Variants in ZNF778 observed in about 807,000 individuals in gnomAD.
ZNF778 encodes zinc finger protein 778.
Under a neutral mutation model 23.9 loss-of-function variants are expected in ZNF778, and 37 were observed. The ratio of observed to expected loss-of-function variants is 1.54; its 90% CI spans 1.19 to 2.03. ZNF778 has a LOEUF of 2.03. ZNF778 is among the 30% of genes most tolerant of loss of function. ZNF778 has a pLI of 0.00. For missense variants in ZNF778, 1,297 were observed against 934.4 expected (o/e 1.39, Z -5.06); for synonymous variants, 483 against 343.9 (o/e 1.40, Z -4.48).
rs2031318439 is a variant in ZNF778, at chr16:89,224,804, T to TG, written c.328+2_328+3insG. On this transcript the variant is annotated splice_region_variant and intron_variant, in intron 5 of 6. Coordinates refer to ENST00000433976, the MANE Select transcript of ZNF778 (RefSeq NM_001201407.2). ...CAGGGCGGAGAGCAGTTCTCCAAGG[T>TG]AAGTGTGAAGAGCACGCCTGGTCGA... 9 of 1,527,776 alleles carry TG rather than the reference T, an allele frequency of 5.9e-6. No homozygotes were observed. The highest frequency in any genetic ancestry group is 7.9e-6 in the Non-Finnish European group (9 of 1,142,408). 94.6% of individuals were successfully genotyped at this position (1,527,776 alleles called of 1,614,324 possible).
intron 1 of ZNF778, among the ~76,000 whole-genome samples, chr16:89,218,589 A>G (rs892111926): frequency 4.8e-5 from 7 of 145,798 alleles, no homozygotes; most frequent in African/African-American, 1.8e-4. Flanking sequence ...CAGGAGACCG[A>G]CACCATCCTG....
rs2032235924 is a variant in ZNF778, at chr16:89,236,331, C to T, written c.*7769C>T. ...GGTTTCTCGTCGGAAGCCATAGAGG[C>T]CAACAGGAAATGTAGGAGCATTTTT... On this transcript the variant is annotated 3_prime_UTR_variant, in exon 7 of 7. Transcript: ENST00000433976. 2 of 152,060 alleles carry T rather than the reference C, an allele frequency of 1.3e-5. No homozygotes were observed. Among genetic ancestry groups the T allele is most frequent in the Admixed American group, 6.6e-5 (1 of 15,256 alleles). The allele number at this position is 152,060 out of a possible 1,614,324, so 9.4% of individuals were successfully genotyped here. A position where few individuals can be genotyped will look rare whatever the true frequency, so the allele number is the denominator to read the frequency against.
chr16:89,227,514 A>T lies in ZNF778; in HGVS notation c.1226A>T (p.Asn409Ile). 1 of 1,614,010 alleles carries T rather than the reference A, an allele frequency of 6.2e-7. No individual in the cohort carries two copies. Among genetic ancestry groups the T allele is most frequent in the East Asian group, 2.2e-5 (1 of 44,868 alleles). The change falls in exon 7 of 7, where the codon AAT (asparagine) becomes ATT (isoleucine). Residue 409 changes from asparagine to isoleucine, a missense_variant. Physicochemically the swap from Asn to Ile is moderately radical, Grantham distance 149. Coordinates refer to ENST00000433976, the MANE Select transcript of ZNF778 (RefSeq NM_001201407.2). ...TATTTTAGAAATTCCTCATGCCTTA[A>T]TAATCATGTTCGAATTCACACTGGA... ...GKYFRNSSCL[N>I]NHVRIHTGIK... is the part of the protein sequence containing the mutation.
rs981774658 is a variant in ZNF778 at position 89,231,768 on chromosome 16, A to G, written c.*3206A>G. ...TTTCACCAGGAGGTGCCCGCCTCCT[A>G]TCAGCCTCTGGGAAGGCCACTGTCT... is the stretch of plus-strand genomic sequence containing the variant. On this transcript the variant is annotated 3_prime_UTR_variant, in exon 7 of 7. Coordinates refer to ENST00000433976, the MANE Select transcript of ZNF778 (RefSeq NM_001201407.2). The G allele has an allele frequency of 1.3e-5, 2 of 152,172 alleles. No individual in the cohort carries two copies. The highest frequency in any genetic ancestry group is 4.8e-5 in the African/African-American group (2 of 41,428). 9.4% of individuals were successfully genotyped at this position (152,172 alleles called of 1,614,324 possible).
chr16:89,233,857 C>G lies in ZNF778; in HGVS notation c.*5295C>G, dbSNP rs1377344783. The G allele has an allele frequency of 7.8e-7, 1 of 1,289,974 alleles. No individual in the cohort carries two copies. The highest frequency in any genetic ancestry group is 1.2e-5 in the South Asian group (1 of 81,042). 79.9% of individuals were successfully genotyped at this position (1,289,974 alleles called of 1,614,324 possible). On this transcript the variant is annotated 3_prime_UTR_variant, in exon 7 of 7. Transcript: ENST00000433976. ...ACTTATTTCCGGCCACTTCCTTTTTCTAACTACCACACCAAGCCAGTATTT... is the reference window on the plus strand; with the variant it reads ...ACTTATTTCCGGCCACTTCCTTTTTGTAACTACCACACCAAGCCAGTATTT...
In ZNF778 at chr16:89,233,583, G is replaced by A; in HGVS notation, c.*5021G>A. On this transcript the variant is annotated 3_prime_UTR_variant, in exon 7 of 7. Coordinates refer to ENST00000433976, the MANE Select transcript of ZNF778 (RefSeq NM_001201407.2). ...ATGCAACTCAGCTCGCACTGCATAT[G>A]CAACGCAACTCAACTCATACTGCAT... is the stretch of plus-strand genomic sequence containing the variant. The A allele has an allele frequency of 8.9e-7, 1 of 1,127,986 alleles. No homozygotes were observed. Among genetic ancestry groups the A allele is most frequent in the Non-Finnish European group, 1.2e-6 (1 of 864,382 alleles). 69.9% of individuals were successfully genotyped at this position (1,127,986 alleles called of 1,614,324 possible). A position where few individuals can be genotyped will look rare whatever the true frequency, so the allele number is the denominator to read the frequency against.
At chr16:89,221,739 C>T (rs1034811880) in intron 2 of ZNF778, among the ~76,000 whole-genome samples, 1 of 144,600 alleles carries the variant, frequency 6.9e-6, no homozygotes, top group East Asian at 2.0e-4. Context: ...GTGTCTTTTC[C>T]TGAGTGTGCA....
intron 1 of ZNF778, chr16:89,218,140 G>T (rs34686416): frequency 7.9e-5 from 12 of 152,326 alleles, no homozygotes; most frequent in African/African-American, 2.6e-4. Flanking sequence ...GGCCCTCGGG[G>T]CGGGAGGGAT....
Position 89,227,637 on chromosome 16 carries a change from C to A in ZNF778, c.1349C>A (p.Thr450Lys). 6.2e-7 allele frequency: 1 copy of A among 1,613,978 alleles called. No individual in the cohort carries two copies. Among genetic ancestry groups the A allele is most frequent in the Non-Finnish European group, 8.5e-7 (1 of 1,179,954 alleles). ...VRTHTGEKPY[T>K]CKDCGKAFCT... The stretch of plus-strand genomic sequence containing the variant: ...ACACACACGGGCGAGAAGCCATACA[C>A]GTGTAAGGACTGCGGGAAAGCCTTC... Residue 450 changes from threonine (T) to lysine (K), a missense_variant, in exon 7 of 7, where the codon ACG becomes AAG. Transcript: ENST00000433976.
At chr16:89,219,117 AAAAAT>A (rs1011380774) in intron 1 of ZNF778, among the ~76,000 whole-genome samples, 17 of 152,342 alleles carry the variant, frequency 1.1e-4, no homozygotes, top group African/African-American at 1.9e-4. Flanking sequence ...AAAAAAATAA[AAAAAT>A]AAAAAAATAA....
Position 89,231,787 on chromosome 16 carries a change from A to G in ZNF778, c.*3225A>G, listed in dbSNP as rs1038058005. On this transcript the variant is annotated 3_prime_UTR_variant, in exon 7 of 7. Transcript: ENST00000433976. ...CCTCCTATCAGCCTCTGGGAAGGCC[A>G]CTGTCTCCCCAGTGCCTTCTCCTCC... The G allele has an allele frequency of 6.6e-6, 1 of 152,162 alleles. No individual in the cohort carries two copies. The highest frequency in any genetic ancestry group is 1.5e-5 in the Non-Finnish European group (1 of 68,040). 9.4% of individuals were successfully genotyped at this position (152,162 alleles called of 1,614,324 possible).
In ZNF778 at chr16:89,231,592, T is replaced by G. The variant is rs937058878; in HGVS notation, c.*3030T>G. 2 of 152,222 alleles carry G rather than the reference T, an allele frequency of 1.3e-5. No homozygotes were observed. The highest frequency in any genetic ancestry group is 4.8e-5 in the African/African-American group (2 of 41,456). 9.4% of individuals were successfully genotyped at this position (152,222 alleles called of 1,614,324 possible). ...AAGGCACAAATTTGATATTTGAGAT[T>G]CTGTGATGAGCTGAGCTTGCTGTCC... On this transcript the variant is annotated 3_prime_UTR_variant, in exon 7 of 7. Transcript: ENST00000433976.
chr16:89,225,116 T>G lies in ZNF778; in HGVS notation c.328+314T>G, dbSNP rs1372309404. On this transcript the variant is annotated intron_variant, in intron 5 of 6. Coordinates refer to ENST00000433976, the MANE Select transcript of ZNF778 (RefSeq NM_001201407.2). Reference sequence around the variant, plus strand: ...TTTGTTCTTTCAGTTTGTGGGTTTTTTTTTTTTTTTTTTTTTTGAGACGGA... The same window carrying G: ...TTTGTTCTTTCAGTTTGTGGGTTTTGTTTTTTTTTTTTTTTTTGAGACGGA... Among the ~76,000 whole-genome samples, 5 of 89,588 alleles carry G rather than the reference T, an allele frequency of 5.6e-5. No individual in the cohort carries two copies. The East Asian group carries it at 1.2e-3, about 22-fold the overall frequency. 58.8% of individuals were successfully genotyped at this position (89,588 alleles called of 152,430 possible).
intron 1 of ZNF778, among the ~76,000 whole-genome samples, chr16:89,218,826 C>T (rs1228197051): frequency 7.5e-6 from 1 of 133,194 alleles, no homozygotes; most frequent in African/African-American, 2.9e-5. Context: ...TAATAAGGTC[C>T]GCTGGGCACA....
chr16:89,226,713 G>A lies in ZNF778; in HGVS notation c.425G>A (p.Gly142Glu). Residue 142 changes from glycine to glutamate, a missense_variant, in exon 7 of 7, where the codon GGG (glycine) becomes GAG (glutamate). By Grantham distance (98) the Gly-to-Glu change is moderately conservative. Coordinates refer to ENST00000433976, the MANE Select transcript of ZNF778 (RefSeq NM_001201407.2). ...ETQTARSHNG[G>E]QLCDRTQCGE... ...CAACAGGCAAGAAGCCACAATGGAG[G>A]GCAGCTCTGTGACCGCACGCAGTGT... The A allele has an allele frequency of 3.1e-6, 5 of 1,611,946 alleles. No homozygotes were observed. The highest frequency in any genetic ancestry group is 4.2e-6 in the Non-Finnish European group (5 of 1,178,454).
rs1243185301 is a variant in ZNF778 at position 89,233,782 on chromosome 16, T to C, written c.*5220T>C. ...ACTGCGTATGCAACTCAACTCGCAC[T>C]GCGTATGCAACTCAGCTCGCACTGC... On this transcript the variant is annotated 3_prime_UTR_variant, in exon 7 of 7. Coordinates refer to ENST00000433976, the MANE Select transcript of ZNF778 (RefSeq NM_001201407.2). 7.9e-7 allele frequency: 1 copy of C among 1,264,852 alleles called. No homozygotes were observed. Among genetic ancestry groups the C allele is most frequent in the Admixed American group, 2.3e-5 (1 of 42,568 alleles). The allele number at this position is 1,264,852 out of a possible 1,614,324, so 78.4% of individuals were successfully genotyped here.
In ZNF778 at chr16:89,230,200, C is replaced by G; in HGVS notation, c.*1638C>G. Reference sequence around the variant, plus strand: ...CCATACCTGATCCCTTCAGATAAAACACCAGGGTGCAAGGAGGGGCAGAGT... The same window carrying G: ...CCATACCTGATCCCTTCAGATAAAAGACCAGGGTGCAAGGAGGGGCAGAGT... On this transcript the variant is annotated 3_prime_UTR_variant, in exon 7 of 7. Transcript: ENST00000433976. The G allele has an allele frequency of 2.6e-6, 1 of 387,326 alleles. No homozygotes were observed. The highest frequency in any genetic ancestry group is 3.5e-6 in the Non-Finnish European group (1 of 283,682). 24.0% of individuals were successfully genotyped at this position (387,326 alleles called of 1,614,324 possible). A position where few individuals can be genotyped will look rare whatever the true frequency, so the allele number is the denominator to read the frequency against.
chr16:89,223,066 G>T, intron 3 of ZNF778, 91 bp from the exon 4 acceptor site: 2 of 1,475,372 alleles, frequency 1.4e-6, no homozygotes, highest in Non-Finnish European at 1.8e-6. Flanking sequence ...AGGCCTCACA[G>T]TCCCATAGGC....
At chr16:89,223,114 T>C (rs1427191146) in intron 3 of ZNF778, 43 bp from the exon 4 acceptor site, 2 of 1,598,112 alleles carry the variant, frequency 1.3e-6, no homozygotes, top group Non-Finnish European at 1.7e-6. Flanking sequence ...TGAATACCGA[T>C]GGACACGTTG....
Sources: gnomAD v4.1 joint callset for allele counts (sites outside exome capture counted in the v4.1 genomes callset) on GRCh38, gnomAD v4.1.1 for gene constraint, MANE v1.5 for transcripts, NCBI Gene and HGNC (gene_info 2026-07-23, HGNC 2026-07-21) for gene names.